Variants in SPAG17 observed in about 807,000 individuals in gnomAD.
The protein encoded by SPAG17 is sperm-associated antigen 17.
Under a neutral mutation model 273.6 loss-of-function variants are expected in SPAG17, and 169 were observed. The ratio of observed to expected loss-of-function variants is 0.62; its 90% confidence interval spans 0.55 to 0.70. SPAG17 has a LOEUF of 0.70. SPAG17 is among the 30% of genes least tolerant of loss of function. The probability of loss-of-function intolerance (pLI) is 0.00; values close to 1 mark genes in which losing one functional copy is unlikely to be tolerated. For synonymous variants in SPAG17, 825 were observed against 873.2 expected (o/e 0.94, Z 0.97); for missense variants, 2,557 against 2,627.8 (o/e 0.97, Z 0.59).
intron 4 of SPAG17, among the ~76,000 whole-genome samples, chr1:118,102,492 G>A (rs1042872941): frequency 6.6e-6 from 1 of 152,182 alleles, no homozygotes; most frequent in African/African-American, 2.4e-5. Context: ...CATTAACTAA[G>A]TATTTTTATT....
At chr1:117,992,377 A>G in intron 36 of SPAG17, 89 bp downstream of exon 36, 1 of 1,285,088 alleles carries the variant, frequency 7.8e-7, no homozygotes, top group Non-Finnish European at 1.1e-6. Context: ...TATTGGTAGA[A>G]TTACATAATT....
intron 20 of SPAG17, among the ~76,000 whole-genome samples, chr1:118,044,246 G>A (rs1000787896): frequency 1.3e-5 from 2 of 152,054 alleles, no homozygotes; most frequent in Non-Finnish European, 2.9e-5. Flanking sequence ...GTCCACTTTG[G>A]GAGGCCAAGG....
Position 117,991,466 on chromosome 1 carries a change from G to A in SPAG17, c.5424C>T (p.Ser1808=), listed in dbSNP as rs1415046789. The change falls in exon 37 of 49, where the codon TCC becomes TCT. Residue 1808 remains serine (S), a synonymous_variant. Transcript: ENST00000336338. The stretch of plus-strand genomic sequence containing the variant: ...CATTGCCTCTCTCCTCCTCAGTTCT[G>A]GAATCTTTAACCATCATTTCCTGCA... The part of the protein sequence containing the change: ...DELQEMMVKD[S]RTEEERGNAA... 1.9e-6 allele frequency: 3 copies of A among 1,612,050 alleles called. No homozygotes were observed. The Admixed American group carries it at 5.0e-5, about 27-fold the overall frequency.
chr1:118,153,249 C>T lies in SPAG17; in HGVS notation c.88-1880G>A, dbSNP rs1031315294. 4.6e-5 allele frequency among the ~76,000 whole-genome samples: 7 copies of T among 152,268 alleles called. No individual in the cohort carries two copies. The East Asian group carries it at 1.4e-3, about 29-fold the overall frequency. On this transcript the variant is annotated intron_variant, in intron 1 of 48. Coordinates refer to ENST00000336338, the MANE Select transcript of SPAG17 (RefSeq NM_206996.4). ...TATTGTGAATCTGCCATGCGTCAGG[C>T]ATATGTTATCTCATTGAATCCCTAA...
At chr1:117,989,874 C>T (rs185753113) in intron 38 of SPAG17, among the ~76,000 whole-genome samples, 3 of 152,072 alleles carry the variant, frequency 2.0e-5, no homozygotes, top group East Asian at 1.9e-4. Context: ...GCCACCAGGC[C>T]GGGCCTGGGG....
chr1:117,992,473 G>A lies in SPAG17; in HGVS notation c.5354C>T (p.Ser1785Phe), dbSNP rs759210965. ...TCACCTAGATTCCATTACCTTAAGG[G>A]AAACCTGCAGCCTCAGTTTCACCTC... ...KNEVKLRLQV[S>F]LKDYINYILK... The change falls in exon 36 of 49, where the codon TCC becomes TTC. Residue 1785 changes from serine to phenylalanine, a missense_variant. Coordinates refer to ENST00000336338, the MANE Select transcript of SPAG17 (RefSeq NM_206996.4). The A allele has an allele frequency of 1.2e-6, 2 of 1,607,228 alleles. No individual in the cohort carries two copies. The highest frequency in any genetic ancestry group is 2.2e-5 in the South Asian group (2 of 89,728).
chr1:118,054,289 G>A (rs1651404019), intron 19 of SPAG17, among the ~76,000 whole-genome samples, 196 bp from the exon 20 acceptor site: 1 of 152,010 alleles, frequency 6.6e-6, no homozygotes, highest in Non-Finnish European at 1.5e-5. Context: ...GGGAACTCAA[G>A]TTTCTGGGGA....
At position 118,101,846 on chromosome 1, in the gene SPAG17, C is replaced by A; in HGVS notation, c.528G>T (p.Lys176Asn). The A allele has an allele frequency of 6.2e-7, 1 of 1,614,022 alleles. No homozygotes were observed. Residue 176 changes from lysine to asparagine, a missense_variant, in exon 5 of 49, where the codon AAG becomes AAT. Lys to Asn is a moderately conservative substitution (Grantham distance 94). Transcript: ENST00000336338. ...GATCCTTTCCCTTTCCTTTGGCAGG[C>A]TTGGCACTTGGAGCCTTTTTCTCCT... ...SPKEKKAPSA[K>N]PAKGKGKDQP...
chr1:117,955,118 A>G, intron 48 of SPAG17: 2 of 473,410 alleles, frequency 4.2e-6, no homozygotes, highest in Non-Finnish European at 3.7e-6. Context: ...CTTGACTTGT[A>G]GCATAGTTGG....
At chr1:118,174,409 TTTGAAA>T (rs368743367) in intron 1 of SPAG17, among the ~76,000 whole-genome samples, 23 of 152,130 alleles carry the variant, frequency 1.5e-4, no homozygotes, top group African/African-American at 5.5e-4. Flanking sequence ...AGACAGACCA[TTTGAAA>T]TTATAGAGTC....
intron 1 of SPAG17, among the ~76,000 whole-genome samples, chr1:118,153,661 A>C (rs547968418): frequency 6.6e-6 from 1 of 152,188 alleles, no homozygotes; most frequent in South Asian, 2.1e-4. Context: ...ATTCTGGCTA[A>C]CATGATGAAA....
chr1:118,101,341 C>G (rs1426109605), intron 5 of SPAG17, among the ~76,000 whole-genome samples: 3 of 152,152 alleles, frequency 2.0e-5, no homozygotes, highest in African/African-American at 7.2e-5. Context: ...ATGGCTTGAG[C>G]CTGGGATTTT....
In SPAG17 at chr1:118,093,226, C is replaced by A. The variant is rs1271324411; in HGVS notation, c.1103G>T (p.Ser368Ile). Reference sequence around the variant, plus strand: ...TTGTGGAACATTAATAAGCTGCATGCTTTCCAAATAGTGCTGGTGCTGCCT... The same window carrying A: ...TTGTGGAACATTAATAAGCTGCATGATTTCCAAATAGTGCTGGTGCTGCCT... ...WKRQHQHYLE[S>I]MQLINVPQVV... Residue 368 changes from serine to isoleucine, a missense_variant, in exon 8 of 49, where the codon AGC becomes ATC. Physicochemically the swap from Ser to Ile is moderately radical, Grantham distance 142 (BLOSUM62 -2). Coordinates refer to ENST00000336338, the MANE Select transcript of SPAG17 (RefSeq NM_206996.4). The A allele has an allele frequency of 1.2e-6, 2 of 1,613,692 alleles. No homozygotes were observed. Among genetic ancestry groups the A allele is most frequent in the East Asian group, 2.2e-5 (1 of 44,864 alleles).
chr1:117,993,095 G>T (rs541950167), intron 35 of SPAG17, among the ~76,000 whole-genome samples: 1 of 152,082 alleles, frequency 6.6e-6, no homozygotes, highest in African/African-American at 2.4e-5. Context: ...GGCCATCTTT[G>T]AGCTTAATCT....
intron 1 of SPAG17, among the ~76,000 whole-genome samples, chr1:118,155,177 G>A (rs1659589939): frequency 6.6e-6 from 1 of 152,052 alleles, no homozygotes; most frequent in Non-Finnish European, 1.5e-5. Flanking sequence ...TACTTTACCA[G>A]TCTCACCTAA....
At chr1:118,171,223 A>T (rs1286711394) in intron 1 of SPAG17, among the ~76,000 whole-genome samples, 1 of 152,172 alleles carries the variant, frequency 6.6e-6, no homozygotes, top group Non-Finnish European at 1.5e-5. Context: ...TTGAATTGCA[A>T]GGTCCATGTA....
Position 118,012,352 on chromosome 1 carries a change from G to T in SPAG17, c.4308C>A (p.Asp1436Glu). The change falls in exon 30 of 49, where the codon GAC (aspartate) becomes GAA (glutamate). Residue 1436 changes from aspartate (D) to glutamate (E), a missense_variant. By Grantham distance (45) the Asp-to-Glu change is conservative. Coordinates refer to ENST00000336338, the MANE Select transcript of SPAG17 (RefSeq NM_206996.4). ...VNGTVMTTREDKVVIVERKDG... is the reference protein window; with the variant it reads ...VNGTVMTTREEKVVIVERKDG... ...CTTTCCTTTCAACTATGACAACTTT[G>T]TCTTCTCGAGTTGTCATAACCTGAA... is the stretch of plus-strand genomic sequence containing the variant. 6.2e-7 allele frequency: 1 copy of T among 1,613,226 alleles called. No homozygotes were observed. The highest frequency in any genetic ancestry group is 8.5e-7 in the Non-Finnish European group (1 of 1,179,544).
At chr1:118,104,703 A>G (rs147881955) in intron 4 of SPAG17, among the ~76,000 whole-genome samples, 84 of 152,334 alleles carry the variant, frequency 5.5e-4, no homozygotes, top group African/African-American at 1.9e-3. Flanking sequence ...AGAACTAAGA[A>G]ACCAAAAAGG....
At chr1:118,163,158 T>G (rs149907271) in intron 1 of SPAG17, among the ~76,000 whole-genome samples, 19 of 152,344 alleles carry the variant, frequency 1.2e-4, no homozygotes, top group African/African-American at 4.3e-4. Context: ...CATTATCTTT[T>G]CGTGCTTTTC....
Sources: gnomAD v4.1 joint callset for allele counts (sites outside exome capture counted in the v4.1 genomes callset) on GRCh38, gnomAD v4.1.1 for gene constraint, MANE v1.5 for transcripts, NCBI Gene and HGNC (gene_info 2026-07-23, HGNC 2026-07-21) for gene names.